Variants in RICTOR observed in about 807,000 individuals in gnomAD.
RICTOR encodes rapamycin-insensitive companion of mTOR.
In RICTOR, 49 loss-of-function variants were observed where a neutral mutation model predicts 214.9. That is an observed-to-expected ratio of 0.23 (90% CI 0.18 to 0.29). The LOEUF (loss-of-function observed/expected upper bound fraction) is 0.29, where lower values mean the gene tolerates loss of function less well. Among genes scored for constraint, RICTOR ranks in the 10% least tolerant of loss-of-function variants. The pLI is 1.00. For missense variants in RICTOR, 1,625 were observed against 2,047.0 expected, an observed-to-expected ratio of 0.79 and a Z score of 3.98; for synonymous variants, 717 against 711.3, an observed-to-expected ratio of 1.01 and a Z score of -0.13.
intron 2 of RICTOR, among the ~76,000 whole-genome samples, chr5:39,042,689 T>C (rs1757251401): frequency 1.3e-5 from 2 of 152,256 alleles, no homozygotes; most frequent in Non-Finnish European, 2.9e-5. Context: ...AATTCTGCTT[T>C]ATTTCACCAA....
intron 7 of RICTOR, among the ~76,000 whole-genome samples, chr5:38,988,715 C>T (rs975603672): frequency 1.3e-5 from 2 of 152,052 alleles, no homozygotes; most frequent in Non-Finnish European, 2.9e-5. Flanking sequence ...CATTCCTATA[C>T]ACCAATAATA....
chr5:38,975,839 C>T (rs1008774602), intron 9 of RICTOR, among the ~76,000 whole-genome samples: 2 of 152,200 alleles, frequency 1.3e-5, no homozygotes, highest in African/African-American at 2.4e-5. Context: ...CTACTCAGTT[C>T]TATATTCCTG....
chr5:38,953,341 G>T lies in RICTOR; in HGVS notation c.2790+120C>A, dbSNP rs185612009. The T allele has an allele frequency of 7.2e-5, 39 of 544,732 alleles. No homozygotes were observed. In the African/African-American group the frequency reaches 7.3e-4, roughly 10 times the overall value. The allele number at this position is 544,732 out of a possible 1,614,324, so 33.7% of individuals were successfully genotyped here. On this transcript the variant is annotated intron_variant, in intron 28 of 37. Coordinates refer to ENST00000357387, the MANE Select transcript of RICTOR (RefSeq NM_152756.5). Reference sequence around the variant, plus strand: ...CACTTATATTGGCAGGAACAATCCAGTCTTAAATATTAATCTAATAAGTAG... The same window carrying T: ...CACTTATATTGGCAGGAACAATCCATTCTTAAATATTAATCTAATAAGTAG...
At chr5:38,977,257 T>C (rs901935704) in intron 9 of RICTOR, among the ~76,000 whole-genome samples, 2 of 152,200 alleles carry the variant, frequency 1.3e-5, no homozygotes, top group Non-Finnish European at 2.9e-5. Context: ...TGGAAGTGGA[T>C]TCTTCACCAG....
intron 9 of RICTOR, among the ~76,000 whole-genome samples, chr5:38,977,592 C>CTTTTTTT (rs34467191): frequency 3.6e-5 from 3 of 83,222 alleles, no homozygotes; most frequent in Non-Finnish European, 4.5e-5. Context: ...TATGAAACCA[C>CTTTTTTT]TTTTTTTTTT....
At chr5:39,036,253 G>C (rs995643699) in intron 2 of RICTOR, among the ~76,000 whole-genome samples, 4 of 152,160 alleles carry the variant, frequency 2.6e-5, no homozygotes, top group Admixed American at 2.6e-4. Context: ...ATACTTTACA[G>C]ACAAGCAAAT....
In RICTOR at chr5:38,960,422, T is replaced by C; in HGVS notation, c.1827A>G (p.Thr609=). Residue 609 remains threonine (T), a synonymous_variant, in exon 20 of 38, where the codon ACA becomes ACG. Coordinates refer to ENST00000357387, the MANE Select transcript of RICTOR (RefSeq NM_152756.5). ...KQLTVVGCQF[T]EFLLESEEDG... ...CCTCTTCAGATTCAAGAAGAAATTC[T>C]GTAAACTGGCAACCTACAACCGTGA... 6.2e-7 allele frequency: 1 copy of C among 1,613,802 alleles called. No homozygotes were observed. Among genetic ancestry groups the C allele is most frequent in the Non-Finnish European group, 8.5e-7 (1 of 1,179,778 alleles).
intron 15 of RICTOR, 83 bp from the exon 16 acceptor site, chr5:38,964,975 T>C (rs369660703): frequency 1.5e-6 from 1 of 679,470 alleles, no homozygotes. Flanking sequence ...TATAATGCTG[T>C]ATTCAAGACT....
chr5:39,029,619 T>C (rs965539300), intron 2 of RICTOR, among the ~76,000 whole-genome samples: 1 of 152,072 alleles, frequency 6.6e-6, no homozygotes, highest in African/African-American at 2.4e-5. Flanking sequence ...TTGGGAGTAA[T>C]GGAAAGGAAA....
chr5:39,026,884 G>A (rs966037719), intron 2 of RICTOR, among the ~76,000 whole-genome samples: 35 of 151,942 alleles, frequency 2.3e-4, no homozygotes, highest in African/African-American at 8.2e-4. Context: ...ACGCATGCCT[G>A]TTAATCCCAG....
chr5:39,046,738 T>C (rs1160610023), intron 2 of RICTOR, among the ~76,000 whole-genome samples: 2 of 152,186 alleles, frequency 1.3e-5, no homozygotes, highest in African/African-American at 4.8e-5. Context: ...GTTTAAAGAT[T>C]TGTATTCCCT....
chr5:38,950,288 T>C lies in RICTOR; in HGVS notation c.3560A>G (p.Lys1187Arg). The change falls in exon 31 of 38, where the codon AAG becomes AGG. Residue 1187 changes from lysine (K) to arginine (R), a missense_variant. This residue lies in a region of RICTOR where 1,214 missense variants were observed against 1,470.5 expected (regional missense o/e 0.83). Coordinates refer to ENST00000357387, the MANE Select transcript of RICTOR (RefSeq NM_152756.5). Reference protein sequence around the residue: ...SIGENDLKFTKNFGTENHREN... With the variant: ...SIGENDLKFTRNFGTENHREN... ...TCTGTGATTCTCTGTACCAAAATTC[T>C]TGGTGAATTTTAAGTCATTTTCTCC... The C allele has an allele frequency of 6.2e-7, 1 of 1,613,332 alleles. No homozygotes were observed.
rs555627553 is a variant in RICTOR, at chr5:39,059,749, C to T, written c.97+14362G>A. Among the ~76,000 whole-genome samples, 275 of 152,138 alleles carry T rather than the reference C, an allele frequency of 1.8e-3. 1 individual carries two copies. The highest frequency in any genetic ancestry group is 6.4e-3 in the African/African-American group (266 of 41,526). ...ACTTTCTATGATTTTTTTTCCAGCT[C>T]ACATCAATCTCTCCATTCTCATCTC... On this transcript the variant is annotated intron_variant, in intron 2 of 37. Transcript: ENST00000357387.
At chr5:38,975,725 TAAAACAAGACA>T in intron 9 of RICTOR, 121 bp from the exon 10 acceptor site, 1 of 539,972 alleles carries the variant, frequency 1.9e-6, no homozygotes, top group Non-Finnish European at 3.1e-6. Flanking sequence ...CACATAAAAT[TAAAACAAGACA>T]AAGATCAGAT....
chr5:39,018,802 G>A (rs959991370), intron 3 of RICTOR, among the ~76,000 whole-genome samples: 6 of 152,084 alleles, frequency 3.9e-5, no homozygotes, highest in African/African-American at 1.4e-4. Context: ...CAAGTGAAAG[G>A]GAGAGTCAAC....
intron 16 of RICTOR, 75 bp downstream of exon 16, chr5:38,964,717 T>A (rs567331015): frequency 5.9e-5 from 43 of 731,352 alleles, no homozygotes; most frequent in African/African-American, 3.0e-4. Context: ...CTATTTTTTT[T>A]AAAAAGAAGA....
intron 2 of RICTOR, among the ~76,000 whole-genome samples, chr5:39,071,848 A>C (rs1327142461): frequency 6.6e-6 from 1 of 152,218 alleles, no homozygotes; most frequent in Non-Finnish European, 1.5e-5. Context: ...GGCATTAAAC[A>C]AAAAAATTTT....
chr5:38,951,054 T>C (rs1748740468), intron 30 of RICTOR, among the ~76,000 whole-genome samples: 1 of 151,958 alleles, frequency 6.6e-6, no homozygotes, highest in Admixed American at 6.6e-5. Context: ...GACTTGGCCA[T>C]GGATGCTTAC....
At chr5:38,948,597 G>A (rs1579874981) in intron 31 of RICTOR, among the ~76,000 whole-genome samples, 1 of 152,022 alleles carries the variant, frequency 6.6e-6, no homozygotes, top group Non-Finnish European at 1.5e-5. Context: ...TACAACCACT[G>A]ATCTAGTGCA....
Sources: gnomAD v4.1 joint callset for allele counts (sites outside exome capture counted in the v4.1 genomes callset) on GRCh38, gnomAD v4.1.1 for gene constraint, gnomAD v4.1.1 regional missense constraint, MANE v1.5 for transcripts, NCBI Gene and HGNC (gene_info 2026-07-23, HGNC 2026-07-21) for gene names.